FOXP2: variants seen among roughly 807,000 people sequenced by gnomAD.
The protein encoded by FOXP2 is forkhead box protein P2.
FOXP2 carries 12 observed loss-of-function variants against 115.8 expected under a neutral mutation model. That is an observed-to-expected ratio of 0.10 (90% CI 0.07 to 0.17). FOXP2 has a LOEUF of 0.17. Among genes scored for constraint, FOXP2 ranks in the 10% least tolerant of loss-of-function variants. The pLI, the probability that FOXP2 is intolerant of heterozygous loss-of-function variation, is 1.00. For synonymous variants in FOXP2, 328 were observed against 297.7 expected (o/e 1.10, Z -1.05); for missense variants, 629 against 843.5 (o/e 0.75, Z 3.15).
chr7:114,503,155 T>C (rs1349405411), intron 2 of FOXP2, among the ~76,000 whole-genome samples: 1 of 151,976 alleles, frequency 6.6e-6, no homozygotes, highest in Admixed American at 6.6e-5. Context: ...TGGATCCCCT[T>C]TCTCCTCAAG....
chr7:114,327,516 T>G (rs1797588433), intron 2 of FOXP2, among the ~76,000 whole-genome samples: 1 of 152,110 alleles, frequency 6.6e-6, no homozygotes, highest in Non-Finnish European at 1.5e-5. Flanking sequence ...CTTTTTTTTT[T>G]TTCAAGATGG....
At chr7:114,343,724 C>T (rs879832279) in intron 2 of FOXP2, among the ~76,000 whole-genome samples, 3 of 151,562 alleles carry the variant, frequency 2.0e-5, no homozygotes, top group Non-Finnish European at 4.4e-5. Flanking sequence ...TTTGAGATAG[C>T]TGCATGGCTA....
At chr7:114,415,515 G>A (rs917357213) in intron 1 of FOXP2, among the ~76,000 whole-genome samples, 155 bp downstream of exon 1, 1 of 151,446 alleles carries the variant, frequency 6.6e-6, no homozygotes, top group Non-Finnish European at 1.5e-5. Flanking sequence ...ATCTGTTTGC[G>A]AGGGAAAAGC....
chr7:114,664,173 T>A, intron 15 of FOXP2, 100 bp from the exon 16 acceptor site: 1 of 1,306,634 alleles, frequency 7.7e-7, no homozygotes, highest in East Asian at 2.5e-5. Context: ...TTCTAAAATA[T>A]CTATTTCCTT....
chr7:114,599,412 T>C (rs1802901307), intron 3 of FOXP2, among the ~76,000 whole-genome samples: 1 of 152,180 alleles, frequency 6.6e-6, no homozygotes, highest in African/African-American at 2.4e-5. Flanking sequence ...TGTGGAAGAA[T>C]AGTATTGCTT....
intron 3 of FOXP2, among the ~76,000 whole-genome samples, chr7:114,545,525 ACTC>A (rs1273844063): frequency 1.3e-5 from 2 of 151,842 alleles, no homozygotes; most frequent in Non-Finnish European, 2.9e-5. Context: ...TGCATCCTAA[ACTC>A]CTCAGTATAT....
chr7:114,179,554 T>C lies in FOXP2; in HGVS notation c.-102+16466T>C, dbSNP rs933026172. ...TAAAAATATTCGGTGAATGAATTGA[T>C]TTCAATATTGTTTTTCAGAAAAGAA... On this transcript the variant is annotated intron_variant, in intron 1 of 17. Coordinates refer to the FOXP2 transcript ENST00000634411. Among the ~76,000 whole-genome samples the C allele has an allele frequency of 2.0e-5, 3 of 151,988 alleles. No homozygotes were observed. In the East Asian group the frequency reaches 5.8e-4, roughly 29 times the overall value.
intron 3 of FOXP2, among the ~76,000 whole-genome samples, chr7:114,599,387 TTAAC>T (rs1802899980): frequency 6.6e-6 from 1 of 152,194 alleles, no homozygotes; most frequent in South Asian, 2.1e-4. Flanking sequence ...AAATGTTAAA[TTAAC>T]TGCAAGAGTT....
At chr7:114,140,344 T>G (rs1455772627) in intron 1 of FOXP2, among the ~76,000 whole-genome samples, 1 of 152,136 alleles carries the variant, frequency 6.6e-6, no homozygotes, top group Non-Finnish European at 1.5e-5. Flanking sequence ...AGACAAATAA[T>G]CTGCCTAGAA....
intron 1 of FOXP2, among the ~76,000 whole-genome samples, chr7:114,195,295 T>A (rs142624946): frequency 1.3e-5 from 2 of 152,286 alleles, no homozygotes; most frequent in East Asian, 3.9e-4. Flanking sequence ...GAAATTCAGG[T>A]TTGACATTAG....
chr7:114,141,814 C>T (rs1053273064), intron 1 of FOXP2, among the ~76,000 whole-genome samples: 2 of 152,100 alleles, frequency 1.3e-5, no homozygotes, highest in Admixed American at 6.6e-5. Context: ...CCATGGGCTA[C>T]AGGTATAAAA....
intron 2 of FOXP2, among the ~76,000 whole-genome samples, chr7:114,364,421 T>A (rs1791827835): frequency 6.6e-6 from 1 of 152,110 alleles, no homozygotes; most frequent in Admixed American, 6.6e-5. Flanking sequence ...ACTATGTAGA[T>A]GGATTGGTGC....
At chr7:114,218,379 A>G (rs1238898973) in intron 1 of FOXP2, among the ~76,000 whole-genome samples, 1 of 152,148 alleles carries the variant, frequency 6.6e-6, no homozygotes, top group African/African-American at 2.4e-5. Flanking sequence ...TTACCCCCAG[A>G]AAAATTATTC....
At position 114,658,188 on chromosome 7, in the gene FOXP2, A is replaced by T. The variant is rs772491431; in HGVS notation, c.1389A>T (p.Val463=). ...PVTPITQGPS[V]ITPASVPNVG... is the part of the protein sequence containing the mutation. ...CCCCGATTACCCAGGGACCCTCAGT[A>T]ATCACCCCAGCCAGTGTGCCCAATG... Residue 463 remains valine (V), a synonymous_variant, in exon 11 of 17, where the codon GTA becomes GTT. Coordinates refer to ENST00000350908, the MANE Select transcript of FOXP2 (RefSeq NM_014491.4). 1.9e-6 allele frequency: 3 copies of T among 1,613,656 alleles called. No homozygotes were observed. Among genetic ancestry groups the T allele is most frequent in the Non-Finnish European group, 2.5e-6 (3 of 1,179,874 alleles).
intron 2 of FOXP2, among the ~76,000 whole-genome samples, chr7:114,321,018 T>C (rs941077017): frequency 6.6e-6 from 1 of 152,126 alleles, no homozygotes; most frequent in East Asian, 1.9e-4. Flanking sequence ...TTCACCGTTG[T>C]TTGAACTTTT....
chr7:114,669,435 C>T (rs1215957369), intron 16 of FOXP2: 3 of 151,928 alleles, frequency 2.0e-5, no homozygotes, highest in African/African-American at 7.2e-5. Context: ...TAGAAACATC[C>T]ATGGTATGAA....
chr7:114,693,245 A>C lies in FOXP2; in HGVS notation c.*3319A>C. 2.2e-6 allele frequency: 1 copy of C among 449,542 alleles called. No homozygotes were observed. The highest frequency in any genetic ancestry group is 7.0e-5 in the East Asian group (1 of 14,352). 27.8% of individuals were successfully genotyped at this position (449,542 alleles called of 1,614,324 possible). On this transcript the variant is annotated 3_prime_UTR_variant, in exon 17 of 17. Transcript: ENST00000350908. ...ACTCAGATATGGAGAAAATGTCATC[A>C]GCATTCTGTGTCTACAGCTGCTTAA...
intron 2 of FOXP2, among the ~76,000 whole-genome samples, chr7:114,438,694 C>T (rs1407465319): frequency 6.6e-6 from 1 of 151,974 alleles, no homozygotes; most frequent in Non-Finnish European, 1.5e-5. Context: ...AAATTAAAAA[C>T]TGTGCACAGA....
intron 3 of FOXP2, among the ~76,000 whole-genome samples, chr7:114,621,121 TTATAC>T (rs1229556760): frequency 2.0e-5 from 3 of 152,068 alleles, no homozygotes; most frequent in African/African-American, 7.2e-5. Context: ...CATGAAGCCC[TTATAC>T]TATAACTAAT....
Sources: allele counts gnomAD v4.1 joint callset (sites outside exome capture counted in the v4.1 genomes callset), GRCh38; gene constraint gnomAD v4.1.1; transcripts MANE v1.5; gene names NCBI Gene and HGNC (gene_info 2026-07-23, HGNC 2026-07-21).